The following TMEM131 variants were observed in gnomAD, a reference collection of about 807,000 sequenced individuals.
TMEM131 encodes the protein 2610524E03Rik.
TMEM131 carries 66 observed loss-of-function variants against 211.6 expected under a neutral mutation model. That is an observed-to-expected ratio of 0.31 (90% CI 0.26 to 0.38). TMEM131 has a LOEUF of 0.38. TMEM131 is among the 10% of genes least tolerant of loss of function. The pLI, the probability that TMEM131 is intolerant of heterozygous loss-of-function variation, is 1.00. For synonymous variants in TMEM131, 844 were observed against 841.3 expected (o/e 1.00, Z -0.06); for missense variants, 2,036 against 2,299.3 (o/e 0.89, Z 2.34).
intron 26 of TMEM131, among the ~76,000 whole-genome samples, 158 bp from the exon 27 acceptor site, chr2:97,797,144 A>G (rs1211415209): frequency 6.6e-6 from 1 of 152,242 alleles, no homozygotes; most frequent in African/African-American, 2.4e-5. Context: ...GAGAAGAGCA[A>G]GTTTTTATTT....
At chr2:97,800,692 G>A (rs1680989784) in intron 25 of TMEM131, among the ~76,000 whole-genome samples, 1 of 151,982 alleles carries the variant, frequency 6.6e-6, no homozygotes, top group African/African-American at 2.4e-5. Context: ...GGGCAGCAGA[G>A]GTTGCAATGA....
At chr2:97,849,195 CTCA>C (rs1357529159) in intron 5 of TMEM131, among the ~76,000 whole-genome samples, 1 of 152,102 alleles carries the variant, frequency 6.6e-6, no homozygotes, top group Non-Finnish European at 1.5e-5. Context: ...AACCAAAACT[CTCA>C]TGTTTCTCAT....
chr2:97,793,471 C>T lies in TMEM131; in HGVS notation c.3469G>A (p.Glu1157Lys). ...WEPFRRRLSF[E>K]ASNPPFDVGR... Reference sequence around the variant, plus strand: ...ACATCGAAGGGCGGGTTCGAGGCCTCAAAGGATAGCCGCCTTCGAAATGGC... The same window carrying T: ...ACATCGAAGGGCGGGTTCGAGGCCTTAAAGGATAGCCGCCTTCGAAATGGC... Residue 1157 changes from glutamate (E) to lysine (K), a missense_variant, in exon 30 of 41, where the codon GAG becomes AAG. By Grantham distance (56) the Glu-to-Lys change is moderately conservative. This residue lies in a region of TMEM131 where 1,623 missense variants were observed against 1,805.9 expected (regional missense o/e 0.90). Coordinates refer to ENST00000186436, the MANE Select transcript of TMEM131 (RefSeq NM_015348.2). The T allele has an allele frequency of 6.2e-7, 1 of 1,613,958 alleles. No homozygotes were observed. Among genetic ancestry groups the T allele is most frequent in the Non-Finnish European group, 8.5e-7 (1 of 1,179,890 alleles).
chr2:97,817,647 C>A (rs1301911948), intron 12 of TMEM131, among the ~76,000 whole-genome samples: 1 of 152,204 alleles, frequency 6.6e-6, no homozygotes, highest in South Asian at 2.1e-4. Context: ...AGAGTCCTCA[C>A]TGAGCTCACA....
rs777537056 is a variant in TMEM131, at chr2:97,760,589, G to A, written c.5108+4C>T. On this transcript the variant is annotated splice_donor_region_variant and intron_variant, in intron 38 of 40. Transcript: ENST00000186436. ...TTCTAGCGGTTAGTGGTGGTCTACC[G>A]TACCTGTCTGAGCCATCGCTGTCAA... 4.9e-5 allele frequency: 78 copies of A among 1,607,520 alleles called. No individual in the cohort carries two copies. In the Middle Eastern group the frequency reaches 8.2e-4, roughly 17 times the overall value.
chr2:97,868,710 G>C (rs529233321), intron 4 of TMEM131, among the ~76,000 whole-genome samples: 4 of 152,142 alleles, frequency 2.6e-5, no homozygotes, highest in African/African-American at 7.2e-5. Flanking sequence ...CAAAAAGTGG[G>C]AACAGGGTTT....
rs1679178637 is a variant in TMEM131, at chr2:97,766,570, T to G, written c.4481A>C (p.Glu1494Ala). The G allele has an allele frequency of 6.2e-7, 1 of 1,613,990 alleles. No homozygotes were observed. Among genetic ancestry groups the G allele is most frequent in the Non-Finnish European group, 8.5e-7 (1 of 1,179,872 alleles). The change falls in exon 34 of 41, where the codon GAA (glutamate) becomes GCA (alanine). Residue 1494 changes from glutamate (E) to alanine (A), a missense_variant. By Grantham distance (107) the Glu-to-Ala change is moderately radical. Coordinates refer to ENST00000186436, the MANE Select transcript of TMEM131 (RefSeq NM_015348.2). ...SLELPYTPPL[E>A]SKQRRNLPSK... Reference sequence around the variant, plus strand: ...TGGGAGATTTCTACGTTGCTTACTTTCCAAAGGGGGAGTATATGGTAGTTC... The same window carrying G: ...TGGGAGATTTCTACGTTGCTTACTTGCCAAAGGGGGAGTATATGGTAGTTC...
chr2:97,776,902 T>A (rs1458930383), intron 31 of TMEM131, among the ~76,000 whole-genome samples: 1 of 152,244 alleles, frequency 6.6e-6, no homozygotes, highest in Non-Finnish European at 1.5e-5. Context: ...ACTGAGGAAT[T>A]ACATAATCCC....
intron 5 of TMEM131, among the ~76,000 whole-genome samples, chr2:97,855,160 A>G (rs991278948): frequency 6.6e-6 from 1 of 152,302 alleles, no homozygotes; most frequent in African/African-American, 2.4e-5. Flanking sequence ...TTCTTTCCAC[A>G]TAGGTGGGGT....
intron 5 of TMEM131, among the ~76,000 whole-genome samples, chr2:97,854,682 T>C (rs78492980): frequency 2.0e-4 from 30 of 152,318 alleles, no homozygotes; most frequent in African/African-American, 7.0e-4. Context: ...AGACCCTTCA[T>C]AGTCTGCCCC....
At chr2:97,802,884 T>C in intron 22 of TMEM131, 94 bp from the exon 23 acceptor site, 1 of 1,109,198 alleles carries the variant, frequency 9.0e-7, no homozygotes, top group Non-Finnish European at 1.3e-6. Context: ...CTTGAGAAAT[T>C]TTTTGCTGGC....
rs763565779 is a variant in TMEM131, at chr2:97,775,931, T to A, written c.4232A>T (p.Asp1411Val). The A allele has an allele frequency of 2.5e-6, 4 of 1,614,032 alleles. No homozygotes were observed. In the South Asian group the frequency reaches 4.4e-5, roughly 18 times the overall value. ...EKKGKGKPQE[D>V]ELKDSLADDD... Reference sequence around the variant, plus strand: ...ATCAGCCAAAGAGTCCTTCAGCTCATCTTCCTGTGGCTTTCCCTTTCCCTT... The same window carrying A: ...ATCAGCCAAAGAGTCCTTCAGCTCAACTTCCTGTGGCTTTCCCTTTCCCTT... Residue 1411 changes from aspartate (D) to valine (V), a missense_variant, in exon 32 of 41, where the codon GAT becomes GTT. Around this residue, in one of 3 missense-constraint regions of TMEM131, gnomAD observed 1,623 missense variants for 1,805.9 expected, o/e 0.90. Transcript: ENST00000186436.
intron 13 of TMEM131, 70 bp downstream of exon 13, chr2:97,815,129 T>A (rs1332253366): frequency 1.2e-6 from 1 of 833,658 alleles, no homozygotes; most frequent in African/African-American, 1.8e-5. Flanking sequence ...TTTCTGCAGG[T>A]CATTTAGCAG....
intron 2 of TMEM131, among the ~76,000 whole-genome samples, chr2:97,918,933 G>C (rs757516269): frequency 2.8e-4 from 43 of 152,322 alleles, no homozygotes; most frequent in South Asian, 1.5e-3. Flanking sequence ...GTTCAAATGT[G>C]TTGGTTGTCT....
chr2:97,817,039 G>A (rs1330530685), intron 12 of TMEM131, among the ~76,000 whole-genome samples: 4 of 152,134 alleles, frequency 2.6e-5, no homozygotes, highest in African/African-American at 9.7e-5. Flanking sequence ...TGTAGCATTT[G>A]CTCTTAAAGA....
chr2:97,894,012 T>C (rs1675496464), intron 3 of TMEM131, among the ~76,000 whole-genome samples: 1 of 152,208 alleles, frequency 6.6e-6, no homozygotes, highest in Admixed American at 6.5e-5. Flanking sequence ...TGGTTTTAGG[T>C]TTTACGTTTT....
chr2:97,797,111 C>CT (rs1229294260), intron 26 of TMEM131, 125 bp from the exon 27 acceptor site: 17 of 1,103,920 alleles, frequency 1.5e-5, no homozygotes, highest in Non-Finnish European at 1.3e-5. Context: ...AGAATTTATA[C>CT]TTTAAGAATT....
At chr2:97,821,172 A>G (rs1682101318) in intron 11 of TMEM131, among the ~76,000 whole-genome samples, 1 of 152,142 alleles carries the variant, frequency 6.6e-6, no homozygotes, top group African/African-American at 2.4e-5. Context: ...GATTGTAAAC[A>G]CACCAATCAG....
intron 30 of TMEM131, 51 bp downstream of exon 30, chr2:97,793,344 T>C (rs1680593439): frequency 6.6e-7 from 1 of 1,518,608 alleles, no homozygotes; most frequent in African/African-American, 1.4e-5. Context: ...TGTAATTTTA[T>C]CAGCCAAATC....
Sources: gnomAD v4.1 joint callset for allele counts (sites outside exome capture counted in the v4.1 genomes callset) on GRCh38, gnomAD v4.1.1 for gene constraint, gnomAD v4.1.1 regional missense constraint, MANE v1.5 for transcripts, NCBI Gene and HGNC (gene_info 2026-07-23, HGNC 2026-07-21) for gene names.